The following CNTN5 variants were observed in gnomAD, a reference collection of about 807,000 sequenced individuals.
The protein encoded by CNTN5 is contactin-5.
Under a neutral mutation model 129.1 loss-of-function variants are expected in CNTN5, and 77 were observed. The ratio of observed to expected loss-of-function variants is 0.60; its 90% CI spans 0.50 to 0.72. The LOEUF is 0.72. Ranked by LOEUF, CNTN5 falls within the 30% of genes least tolerant of loss-of-function variation. The pLI is 0.00. For synonymous variants in CNTN5, 509 were observed against 465.6 expected (o/e 1.09, Z -1.20); for missense variants, 1,478 against 1,328.8 (o/e 1.11, Z -1.75).
intron 1 of CNTN5, among the ~76,000 whole-genome samples, chr11:99,193,964 T>C (rs1249226995): frequency 1.4e-5 from 2 of 148,042 alleles, no homozygotes; most frequent in East Asian, 1.9e-4. Context: ...AATGACTGTG[T>C]TTTAAAATGA....
chr11:99,184,470 G>C (rs553828827), intron 1 of CNTN5, among the ~76,000 whole-genome samples: 1 of 152,154 alleles, frequency 6.6e-6, no homozygotes, highest in African/African-American at 2.4e-5. Context: ...AATCCTGCCA[G>C]CTTTCTTCCT....
At chr11:99,978,217 C>T (rs965949533) in intron 8 of CNTN5, among the ~76,000 whole-genome samples, 1 of 152,140 alleles carries the variant, frequency 6.6e-6, no homozygotes, top group Non-Finnish European at 1.5e-5. Flanking sequence ...AACATTTTTA[C>T]AGCTGTACAA....
chr11:99,675,486 C>T (rs1361842700), intron 3 of CNTN5, among the ~76,000 whole-genome samples: 1 of 152,084 alleles, frequency 6.6e-6, no homozygotes, highest in African/African-American at 2.4e-5. Flanking sequence ...AGTTCGAGAC[C>T]AGCCTGGGCA....
At chr11:99,875,779 T>C (rs1948617661) in intron 6 of CNTN5, among the ~76,000 whole-genome samples, 1 of 152,156 alleles carries the variant, frequency 6.6e-6, no homozygotes, top group Non-Finnish European at 1.5e-5. Flanking sequence ...TAATAGACAA[T>C]ACACATTTGC....
chr11:100,032,401 G>A (rs1161273007), intron 9 of CNTN5, among the ~76,000 whole-genome samples: 1 of 151,866 alleles, frequency 6.6e-6, no homozygotes, highest in African/African-American at 2.4e-5. Context: ...AAAACAGGAG[G>A]TGATTCAAAA....
chr11:100,342,751 A>G (rs965149483), intron 23 of CNTN5, among the ~76,000 whole-genome samples: 1 of 152,212 alleles, frequency 6.6e-6, no homozygotes, highest in Non-Finnish European at 1.5e-5. Context: ...TGGCCCAGAT[A>G]GAAATGTCTT....
At chr11:99,140,612 T>C (rs1591264032) in intron 1 of CNTN5, among the ~76,000 whole-genome samples, 1 of 152,262 alleles carries the variant, frequency 6.6e-6, no homozygotes, top group East Asian at 1.9e-4. Flanking sequence ...CCATTCAGTA[T>C]GATATTAGCT....
At chr11:99,179,817 T>A (rs1431884848) in intron 1 of CNTN5, among the ~76,000 whole-genome samples, 3 of 152,156 alleles carry the variant, frequency 2.0e-5, no homozygotes, top group African/African-American at 7.2e-5. Context: ...GTGGTGATGG[T>A]AGTTTGTGTG....
intron 13 of CNTN5, among the ~76,000 whole-genome samples, chr11:100,182,849 C>T (rs1053916070): frequency 1.6e-4 from 25 of 151,862 alleles, no homozygotes; most frequent in African/African-American, 5.3e-4. Context: ...ATGCCACAGA[C>T]TGGTAGAAAA....
In CNTN5 at chr11:99,894,557, CA is replaced by C. The variant is rs1190272734; in HGVS notation, c.578-21489del. 2.2e-4 allele frequency among the ~76,000 whole-genome samples: 23 copies of C among 103,184 alleles called. 1 individual carries two copies. The highest frequency in any genetic ancestry group is 3.2e-4 in the Non-Finnish European group (15 of 46,636). 67.7% of individuals were successfully genotyped at this position (103,184 alleles called of 152,430 possible). A position where few individuals can be genotyped will look rare whatever the true frequency, so the allele number is the denominator to read the frequency against. ...AAAAAACAAAAAACAAAAACAAAAA[CA>C]AAAAAAACAAAACCAAGCAAAACAA... On this transcript the variant is annotated intron_variant, in intron 6 of 24. Coordinates refer to ENST00000524871, the MANE Select transcript of CNTN5 (RefSeq NM_014361.4).
intron 3 of CNTN5, among the ~76,000 whole-genome samples, chr11:99,689,047 A>T (rs1242530468): frequency 6.6e-6 from 1 of 152,120 alleles, no homozygotes; most frequent in Non-Finnish European, 1.5e-5. Flanking sequence ...TTCTATTGTG[A>T]ATAGTGCTCT....
intron 13 of CNTN5, among the ~76,000 whole-genome samples, chr11:100,180,076 T>A (rs1395282766): frequency 6.6e-6 from 1 of 152,026 alleles, no homozygotes; most frequent in Non-Finnish European, 1.5e-5. Context: ...ACATTATGCT[T>A]AAACCCAAAC....
intron 1 of CNTN5, among the ~76,000 whole-genome samples, chr11:99,258,917 A>T (rs7117538): frequency 1.3e-5 from 2 of 151,676 alleles, no homozygotes; most frequent in East Asian, 3.9e-4. Flanking sequence ...ACTCATATCC[A>T]AAAGGATACT....
intron 3 of CNTN5, among the ~76,000 whole-genome samples, chr11:99,692,943 C>A (rs949672398): frequency 6.6e-6 from 1 of 152,028 alleles, no homozygotes; most frequent in Non-Finnish European, 1.5e-5. Context: ...GCCAATAAAT[C>A]CTGATTGTGG....
At chr11:99,884,511 T>C (rs1281965906) in intron 6 of CNTN5, among the ~76,000 whole-genome samples, 1 of 151,916 alleles carries the variant, frequency 6.6e-6, no homozygotes, top group East Asian at 1.9e-4. Flanking sequence ...GAAATAATAG[T>C]GAAAGAACAA....
At chr11:100,335,022 G>A (rs1952004048) in intron 21 of CNTN5, among the ~76,000 whole-genome samples, 1 of 149,574 alleles carries the variant, frequency 6.7e-6, no homozygotes, top group African/African-American at 2.5e-5. Context: ...ATGTGTTGTT[G>A]TACATTCATC....
Position 99,891,680 on chromosome 11 carries a change from G to C in CNTN5, c.578-24374G>C, listed in dbSNP as rs556418403. 2.6e-5 allele frequency among the ~76,000 whole-genome samples: 4 copies of C among 152,006 alleles called. No homozygotes were observed. In the East Asian group the frequency reaches 7.7e-4, roughly 29 times the overall value. ...TGAACTCATCCTTTTTTATGGCTGC[G>C]TGGTATTCCTTGGTGTTTATGTGCC... On this transcript the variant is annotated intron_variant, in intron 6 of 24. Transcript: ENST00000524871.
At chr11:99,101,818 C>A (rs1443046982) in intron 1 of CNTN5, among the ~76,000 whole-genome samples, 6 of 152,134 alleles carry the variant, frequency 3.9e-5, no homozygotes, top group South Asian at 4.1e-4. Context: ...GGTGGATCTA[C>A]CTTTCTGGGT....
intron 3 of CNTN5, among the ~76,000 whole-genome samples, chr11:99,577,493 T>C (rs1226112131): frequency 2.0e-5 from 3 of 152,202 alleles, no homozygotes; most frequent in East Asian, 1.9e-4. Flanking sequence ...AGTTATGACA[T>C]TTATGTTTCT....
Sources: allele counts gnomAD v4.1 joint callset (sites outside exome capture counted in the v4.1 genomes callset), GRCh38; gene constraint gnomAD v4.1.1; transcripts MANE v1.5; gene names NCBI Gene and HGNC (gene_info 2026-07-23, HGNC 2026-07-21).